The following USP24 variants were observed in gnomAD, a reference collection of about 807,000 sequenced individuals.
USP24 encodes the protein ubiquitin specific peptidase 24.
Under a neutral mutation model 361.6 loss-of-function variants are expected in USP24, and 97 were observed. That is an observed-to-expected ratio of 0.27 (90% confidence interval 0.23 to 0.32). USP24 has a LOEUF of 0.32. Ranked by LOEUF, USP24 falls within the 10% of genes least tolerant of loss-of-function variation. USP24 has a pLI of 1.00. For missense variants in USP24, 2,353 were observed against 3,165.6 expected, an observed-to-expected ratio of 0.74 and a Z score of 6.16; for synonymous variants, 1,098 against 1,124.6, an observed-to-expected ratio of 0.98 and a Z score of 0.47.
chr1:55,182,483 C>T (rs140295630), intron 1 of USP24, among the ~76,000 whole-genome samples: 1 of 152,196 alleles, frequency 6.6e-6, no homozygotes, highest in Non-Finnish European at 1.5e-5. Flanking sequence ...GGGTGTAGTT[C>T]ATTACCATGG....
chr1:55,166,492 A>G, intron 6 of USP24, 76 bp downstream of exon 6: 1 of 1,339,250 alleles, frequency 7.5e-7, no homozygotes, highest in Non-Finnish European at 1.0e-6. Context: ...CCATTTGCTT[A>G]ATATACCAAA....
rs908857889 is a variant in USP24 at position 55,214,826 on chromosome 1, G to A, written c.288C>T (p.Asp96=). Residue 96 remains aspartate, a synonymous_variant, in exon 1 of 68, where the codon GAC becomes GAT. Coordinates refer to ENST00000294383, the MANE Select transcript of USP24 (RefSeq NM_015306.3). ...GGSTGGGGGF[D]PPPAYHEVVD... is the part of the protein sequence containing the mutation. Reference sequence around the variant, plus strand: ...CCACCTCGTGGTAGGCGGGCGGGGGGTCGAAGCCGCCCCCGCCTCCGGTGC... The same window carrying A: ...CCACCTCGTGGTAGGCGGGCGGGGGATCGAAGCCGCCCCCGCCTCCGGTGC... 7 of 1,223,440 alleles carry A rather than the reference G, an allele frequency of 5.7e-6. No individual in the cohort carries two copies. In the Admixed American group the frequency reaches 1.3e-4, roughly 23 times the overall value. The allele number at this position is 1,223,440 out of a possible 1,614,324, so 75.8% of individuals were successfully genotyped here.
At chr1:55,084,608 C>T (rs1370268471) in intron 56 of USP24, among the ~76,000 whole-genome samples, 1 of 152,116 alleles carries the variant, frequency 6.6e-6, no homozygotes, top group Non-Finnish European at 1.5e-5. Flanking sequence ...TGCAATATTC[C>T]CATCCATCCT....
At position 55,176,435 on chromosome 1, in the gene USP24, C is replaced by A. The variant is rs199628115; in HGVS notation, c.499G>T (p.Glu167Ter). The A allele has an allele frequency of 6.4e-7, 1 of 1,568,770 alleles. No individual in the cohort carries two copies. Among genetic ancestry groups the A allele is most frequent in the African/African-American group, 1.3e-5 (1 of 74,130 alleles). ...STYLARLGLSESDENCRRFMD... is the reference protein window; with the variant it reads ...STYLARLGLS ...AACCTTCTACAATTCTCATCAGACTCGGAAAGACCTTAGTAAAATGCATGA... is the reference window on the plus strand; with the variant it reads ...AACCTTCTACAATTCTCATCAGACTAGGAAAGACCTTAGTAAAATGCATGA... The change falls in exon 3 of 68, where the codon GAG becomes TAG. Residue 167 changes from glutamate to a stop codon, truncating the protein, a stop_gained. Coordinates refer to ENST00000294383, the MANE Select transcript of USP24 (RefSeq NM_015306.3). LOFTEE classifies it high-confidence loss of function.
chr1:55,212,587 T>A (rs1053547409), intron 1 of USP24, among the ~76,000 whole-genome samples: 1 of 152,318 alleles, frequency 6.6e-6, no homozygotes, highest in African/African-American at 2.4e-5. Flanking sequence ...AGTTTCCCAC[T>A]GTGTACACCA....
At chr1:55,102,754 T>C (rs1240084075) in intron 42 of USP24, among the ~76,000 whole-genome samples, 1 of 152,182 alleles carries the variant, frequency 6.6e-6, no homozygotes, top group Non-Finnish European at 1.5e-5. Context: ...AGATATTGCC[T>C]CCATTATGCT....
At chr1:55,108,177 G>A (rs1414240968) in intron 39 of USP24, among the ~76,000 whole-genome samples, 2 of 152,186 alleles carry the variant, frequency 1.3e-5, no homozygotes, top group Non-Finnish European at 2.9e-5. Flanking sequence ...CTGCAAAGGA[G>A]AATGAGGTCA....
At chr1:55,184,200 G>C (rs138330373) in intron 1 of USP24, among the ~76,000 whole-genome samples, 112 of 152,164 alleles carry the variant, frequency 7.4e-4, no homozygotes, top group African/African-American at 2.6e-3. Context: ...GAGATTACAG[G>C]CACACACCAC....
At chr1:55,111,438 A>G (rs1006633961) in intron 38 of USP24, among the ~76,000 whole-genome samples, 5 of 152,132 alleles carry the variant, frequency 3.3e-5, no homozygotes, top group Non-Finnish European at 7.4e-5. Flanking sequence ...TACAACAAGT[A>G]TAAGCACAAT....
chr1:55,141,633 T>C lies in USP24; in HGVS notation c.2733A>G (p.Ser911=), dbSNP rs1261689058. The C allele has an allele frequency of 3.7e-6, 6 of 1,611,860 alleles. No homozygotes were observed. The highest frequency in any genetic ancestry group is 5.1e-6 in the Non-Finnish European group (6 of 1,178,900). Residue 911 remains serine (S), a synonymous_variant, in exon 24 of 68, where the codon TCA becomes TCG. Coordinates refer to ENST00000294383, the MANE Select transcript of USP24 (RefSeq NM_015306.3). The stretch of plus-strand genomic sequence containing the variant: ...TCACTTACCTATAAGGAGACTGAAC[T>C]GAGGTTGCTACAGTTGGCATGGCAG... ...TATAMPTVAT[S]VQSPYRSTKL...
At chr1:55,199,631 GAGAGAC>G (rs1444000271) in intron 1 of USP24, among the ~76,000 whole-genome samples, 19 of 151,528 alleles carry the variant, frequency 1.3e-4, no homozygotes, top group Admixed American at 1.1e-3. Flanking sequence ...GTGAGAGAGA[GAGAGAC>G]AGACAGAGAG....
intron 16 of USP24, among the ~76,000 whole-genome samples, chr1:55,151,233 C>A (rs1030184333): frequency 6.6e-6 from 1 of 152,186 alleles, no homozygotes; most frequent in South Asian, 2.1e-4. Flanking sequence ...AGTTGAACAT[C>A]CCCACTTCCT....
Position 55,106,029 on chromosome 1 carries a change from T to C in USP24, c.4880+117A>G, listed in dbSNP as rs1645763061. On this transcript the variant is annotated intron_variant, in intron 41 of 67. Coordinates refer to ENST00000294383, the MANE Select transcript of USP24 (RefSeq NM_015306.3). The stretch of plus-strand genomic sequence containing the variant: ...GTGCATTTCTTCATTTAGTGGATAA[T>C]ATAGGATACACAGACTCACAGATGG... 6.2e-6 allele frequency: 5 copies of C among 812,112 alleles called. No homozygotes were observed. The East Asian group carries it at 1.3e-4, about 22-fold the overall frequency. The allele number at this position is 812,112 out of a possible 1,614,324, so 50.3% of individuals were successfully genotyped here.
intron 19 of USP24, 79 bp downstream of exon 19, chr1:55,146,850 T>C (rs1647041987): frequency 6.4e-7 from 1 of 1,556,076 alleles, no homozygotes; most frequent in African/African-American, 1.4e-5. Flanking sequence ...GAAAAGTGTT[T>C]AGAAGATGTG....
intron 10 of USP24, 132 bp from the exon 11 acceptor site, chr1:55,157,502 G>C (rs1647801487): frequency 1.9e-6 from 1 of 533,904 alleles, no homozygotes; most frequent in African/African-American, 2.0e-5. Flanking sequence ...CCAGTTATAA[G>C]AAGTTAACAG....
At chr1:55,166,046 G>A in intron 6 of USP24, 96 bp from the exon 7 acceptor site, 1 of 1,061,722 alleles carries the variant, frequency 9.4e-7, no homozygotes, top group Non-Finnish European at 1.3e-6. Context: ...ATATGTTTAT[G>A]GGGCACACGA....
chr1:55,109,653 C>T (rs1477714292), intron 39 of USP24, among the ~76,000 whole-genome samples: 2 of 151,924 alleles, frequency 1.3e-5, no homozygotes, highest in African/African-American at 4.8e-5. Flanking sequence ...TTGTGAAGAG[C>T]GGAGAATAAC....
intron 53 of USP24, 62 bp from the exon 54 acceptor site, chr1:55,092,188 T>TGTAATAATC: frequency 8.6e-7 from 1 of 1,166,586 alleles, no homozygotes; most frequent in Non-Finnish European, 1.2e-6. Context: ...TATTACACAG[T>TGTAATAATC]TACGAACTAA....
At position 55,090,239 on chromosome 1, in the gene USP24, A is replaced by G. The variant is rs116051941; in HGVS notation, c.6555-499T>C. On this transcript the variant is annotated intron_variant, in intron 54 of 67. Coordinates refer to ENST00000294383, the MANE Select transcript of USP24 (RefSeq NM_015306.3). Reference sequence around the variant, plus strand: ...TAATGACTATTCTACCCAAGCCCTCATAACACCTCCCTTACATCCCCCAAT... The same window carrying G: ...TAATGACTATTCTACCCAAGCCCTCGTAACACCTCCCTTACATCCCCCAAT... Among the ~76,000 whole-genome samples the G allele has an allele frequency of 3.3e-3, 507 of 152,264 alleles. 4 individuals carry two copies. Among genetic ancestry groups the G allele is most frequent in the African/African-American group, 0.012 (493 of 41,552 alleles).
Sources: allele counts gnomAD v4.1 joint callset (sites outside exome capture counted in the v4.1 genomes callset), GRCh38; gene constraint gnomAD v4.1.1; transcripts MANE v1.5; gene names NCBI Gene and HGNC (gene_info 2026-07-23, HGNC 2026-07-21).